ITGA3: variants seen among roughly 807,000 people sequenced by gnomAD.
The protein encoded by ITGA3 is integrin subunit alpha 3.
ITGA3 carries 70 observed loss-of-function variants against 131.1 expected under a neutral mutation model. The ratio of observed to expected loss-of-function variants is 0.53; its 90% CI spans 0.44 to 0.65. ITGA3 has a LOEUF of 0.65. ITGA3 is among the 30% of genes least tolerant of loss of function. The pLI is 0.00. For missense variants in ITGA3, 1,098 were observed against 1,388.6 expected, an observed-to-expected ratio of 0.79 and a Z score of 3.33; for synonymous variants, 537 against 571.6, an observed-to-expected ratio of 0.94 and a Z score of 0.86.
Position 50,071,409 on chromosome 17 carries a change from C to A in ITGA3, c.850C>A (p.Leu284Met), listed in dbSNP as rs773496015. 1 of 1,614,184 alleles carries A rather than the reference C, an allele frequency of 6.2e-7. No homozygotes were observed. The highest frequency in any genetic ancestry group is 8.5e-7 in the Non-Finnish European group (1 of 1,180,054). The change falls in exon 6 of 26, where the codon CTG becomes ATG. Residue 284 changes from leucine to methionine, a missense_variant. By Grantham distance (15) the Leu-to-Met change is conservative. Around this residue, in one of 3 missense-constraint regions of ITGA3, gnomAD observed 356 missense variants for 529.2 expected, o/e 0.67. Transcript: ENST00000320031. Reference protein sequence around the residue: ...RHRHMGAVFLLSQEAGGDLRR... With the variant: ...RHRHMGAVFLMSQEAGGDLRR... Reference sequence around the variant, plus strand: ...CCGACATATGGGCGCGGTGTTCTTGCTGAGCCAGGAGGCAGGCGGAGACCT... The same window carrying A: ...CCGACATATGGGCGCGGTGTTCTTGATGAGCCAGGAGGCAGGCGGAGACCT...
At chr17:50,081,149 C>T (rs769851673) in intron 22 of ITGA3, 161 bp from the exon 23 acceptor site, 14 of 586,356 alleles carry the variant, frequency 2.4e-5, no homozygotes, top group African/African-American at 9.4e-5. Flanking sequence ...ATGAATGATG[C>T]GCATTTGTGT....
chr17:50,056,408 C>A lies in ITGA3; in HGVS notation c.-32C>A, dbSNP rs1002124626. The A allele has an allele frequency of 1.7e-5, 24 of 1,429,138 alleles. No homozygotes were observed. The highest frequency in any genetic ancestry group is 6.0e-5 in the African/African-American group (4 of 66,214). 88.5% of individuals were successfully genotyped at this position (1,429,138 alleles called of 1,614,324 possible). A position where few individuals can be genotyped will look rare whatever the true frequency, so the allele number is the denominator to read the frequency against. On this transcript the variant is annotated 5_prime_UTR_variant, in exon 1 of 26. Transcript: ENST00000320031. The surrounding 1 kb of genome is among the most constrained non-coding windows in gnomAD (Gnocchi z 5.6). ...ACGCCCAGCTCCGCGCCCTCACGCG[C>A]TCTCGCCGGGACCCCGCTTCCGCTG...
Position 50,076,256 on chromosome 17 carries a change from G to C in ITGA3, c.1675-70G>C, listed in dbSNP as rs917514081. 25 of 1,547,200 alleles carry C rather than the reference G, an allele frequency of 1.6e-5. 1 individual carries two copies. In the Admixed American group the frequency reaches 3.8e-4, roughly 24 times the overall value. On this transcript the variant is annotated intron_variant, in intron 12 of 25. Coordinates refer to ENST00000320031, the MANE Select transcript of ITGA3 (RefSeq NM_002204.4). ...GGGTCCAGCTCTTCTCTGGGGTTCA[G>C]GGTGGTGTGAGGATTCAGCTGGGGC...
chr17:50,057,393 T>C (rs1259678304), intron 1 of ITGA3, among the ~76,000 whole-genome samples: 1 of 152,214 alleles, frequency 6.6e-6, no homozygotes, highest in Non-Finnish European at 1.5e-5. Flanking sequence ...ACAGTGTTTT[T>C]CTCTTTCTTC....
intron 20 of ITGA3, 51 bp downstream of exon 20, chr17:50,079,309 C>A: frequency 6.3e-7 from 1 of 1,585,346 alleles, no homozygotes; most frequent in Non-Finnish European, 8.6e-7. Flanking sequence ...GGCAGAAAGG[C>A]CAGTGTCTTC....
Position 50,064,327 on chromosome 17 carries a change from C to A in ITGA3, c.334+123C>A. On this transcript the variant is annotated intron_variant, in intron 2 of 25. Coordinates refer to ENST00000320031, the MANE Select transcript of ITGA3 (RefSeq NM_002204.4). The surrounding 1 kb of genome is among the most constrained non-coding windows in gnomAD (Gnocchi z 4.4). ...CGGCTTCTAGTCGCTTCTTGTCCAG[C>A]TGGGAAGAGGGTGCCCTAGAGGAGA... 1 of 1,345,856 alleles carries A rather than the reference C, an allele frequency of 7.4e-7. No individual in the cohort carries two copies. The highest frequency in any genetic ancestry group is 1.0e-6 in the Non-Finnish European group (1 of 983,006). The allele number at this position is 1,345,856 out of a possible 1,614,324, so 83.4% of individuals were successfully genotyped here.
At chr17:50,066,632 CGGCAT>C (rs1243020111) in intron 3 of ITGA3, among the ~76,000 whole-genome samples, 3 of 151,880 alleles carry the variant, frequency 2.0e-5, no homozygotes, top group African/African-American at 7.3e-5. Flanking sequence ...TAAATTAGCC[CGGCAT>C]GGTGGTATGC....
intron 1 of ITGA3, among the ~76,000 whole-genome samples, chr17:50,062,472 C>T (rs1291860872): frequency 1.3e-5 from 2 of 152,328 alleles, no homozygotes; most frequent in South Asian, 2.1e-4. Flanking sequence ...AAGTGACTCT[C>T]CAGGCCTGGC....
rs1433226160 is a variant in ITGA3 at position 50,068,056 on chromosome 17, G to A, written c.415G>A (p.Val139Ile). 7 of 1,613,938 alleles carry A rather than the reference G, an allele frequency of 4.3e-6. No homozygotes were observed. In the South Asian group the frequency reaches 6.6e-5, roughly 15 times the overall value. The change falls in exon 4 of 26, where the codon GTC (valine) becomes ATC (isoleucine). Residue 139 changes from valine to isoleucine, a missense_variant and splice_region_variant. By Grantham distance (29) the Val-to-Ile change is conservative (BLOSUM62 3). Coordinates refer to ENST00000320031, the MANE Select transcript of ITGA3 (RefSeq NM_002204.4). ...CTGCCTGTGTTTGGGGGGTCCCCAGGTCTGTGCCCACCGCTACACCCAGGT... is the reference window on the plus strand; with the variant it reads ...CTGCCTGTGTTTGGGGGGTCCCCAGATCTGTGCCCACCGCTACACCCAGGT... ...ASQGPAGRVL[V>I]CAHRYTQVLW...
At chr17:50,088,122 GCC>G in intron 24 of ITGA3, 101 bp from the exon 25 acceptor site, 1 of 1,432,660 alleles carries the variant, frequency 7.0e-7, no homozygotes, top group Non-Finnish European at 9.3e-7. Context: ...CTGAGCCCCA[GCC>G]CCCAGGCTCC....
chr17:50,085,216 G>T, intron 23 of ITGA3, among the ~76,000 whole-genome samples: 1 of 150,688 alleles, frequency 6.6e-6, no homozygotes, highest in African/African-American at 2.4e-5. Context: ...AAAAAAGAAA[G>T]AAAAGGGAGG....
chr17:50,078,355 A>G, intron 18 of ITGA3, 71 bp downstream of exon 18: 1 of 1,312,476 alleles, frequency 7.6e-7, no homozygotes, highest in Non-Finnish European at 1.1e-6. Context: ...TCCCCAAGCT[A>G]TCTCCCAAAC....
chr17:50,077,437 G>A lies in ITGA3; in HGVS notation c.2129G>A (p.Arg710Gln). ...TGCGAGCTGGGGAACCCCTTCAAAC[G>A]GAACCAGAGGGTGAGCACCGGCCAC... is the stretch of plus-strand genomic sequence containing the variant. ...IFCELGNPFK[R>Q]NQRMELLIAF... The change falls in exon 16 of 26, where the codon CGG (arginine) becomes CAG (glutamine). Residue 710 changes from arginine to glutamine, a missense_variant. By Grantham distance (43) the Arg-to-Gln change is conservative. This residue lies in a region of ITGA3 where 699 missense variants were observed against 829.2 expected (regional missense o/e 0.84). Coordinates refer to ENST00000320031, the MANE Select transcript of ITGA3 (RefSeq NM_002204.4). 1 of 1,613,472 alleles carries A rather than the reference G, an allele frequency of 6.2e-7. No homozygotes were observed. The highest frequency in any genetic ancestry group is 8.5e-7 in the Non-Finnish European group (1 of 1,179,464).
chr17:50,066,180 G>A (rs971885335), intron 3 of ITGA3: 2 of 152,074 alleles, frequency 1.3e-5, no homozygotes, highest in Non-Finnish European at 2.9e-5. Context: ...TTTTTATAGA[G>A]ACAGGGTCTG....
intron 8 of ITGA3, 67 bp downstream of exon 8, chr17:50,074,071 A>C: frequency 6.4e-7 from 1 of 1,553,060 alleles, no homozygotes; most frequent in Non-Finnish European, 8.9e-7. Context: ...GCTTTCCTTC[A>C]CCCAACCCTT....
intron 4 of ITGA3, among the ~76,000 whole-genome samples, chr17:50,069,693 C>A (rs998742567): frequency 6.6e-6 from 1 of 152,156 alleles, no homozygotes; most frequent in Non-Finnish European, 1.5e-5. Context: ...TCGCTACTTT[C>A]TCTCTTTCTC....
intron 4 of ITGA3, among the ~76,000 whole-genome samples, chr17:50,069,144 A>G (rs28712366): frequency 0.88 from 133,915 of 152,090 alleles, 59,342 homozygotes; most frequent in Non-Finnish European, 0.92. Context: ...CACCGCGCCC[A>G]GCCTAATCAT....
chr17:50,074,057 C>T (rs1407954181), intron 8 of ITGA3, 53 bp downstream of exon 8: 1 of 1,550,044 alleles, frequency 6.5e-7, no homozygotes, highest in East Asian at 2.2e-5. Context: ...GATGGGCCTT[C>T]CTTGCTTTCC....
intron 4 of ITGA3, among the ~76,000 whole-genome samples, chr17:50,069,879 C>G (rs1192018295): frequency 6.6e-6 from 1 of 152,176 alleles, no homozygotes; most frequent in African/African-American, 2.4e-5. Context: ...CTCCATCACA[C>G]AGGTTGTAGC....
Sources: allele counts gnomAD v4.1 joint callset (sites outside exome capture counted in the v4.1 genomes callset), GRCh38; gene constraint gnomAD v4.1.1; regional missense constraint gnomAD v4.1.1; non-coding constraint Gnocchi (gnomAD v3.1); transcripts MANE v1.5; gene names NCBI Gene and HGNC (gene_info 2026-07-23, HGNC 2026-07-21).